Variants in TAF2 observed in about 807,000 individuals in gnomAD.
TAF2 encodes TATA-box binding protein associated factor 2.
A neutral mutation model predicts 138.5 loss-of-function variants in TAF2; 61 were observed. That is an observed-to-expected ratio of 0.44 (90% CI 0.36 to 0.54). The LOEUF is 0.54. Among genes scored for constraint, TAF2 ranks in the 20% least tolerant of loss-of-function variants. The pLI, the probability that TAF2 is intolerant of heterozygous loss-of-function variation, is 0.00. For missense variants in TAF2, 1,090 were observed against 1,427.9 expected, an observed-to-expected ratio of 0.76 and a Z score of 3.81; for synonymous variants, 475 against 469.9, an observed-to-expected ratio of 1.01 and a Z score of -0.14.
intron 16 of TAF2, among the ~76,000 whole-genome samples, chr8:119,782,890 C>T (rs553136580): frequency 6.6e-6 from 1 of 152,176 alleles, no homozygotes; most frequent in Admixed American, 6.5e-5. Context: ...TGCCTGTAAT[C>T]CCAGCTGTGT....
intron 5 of TAF2, among the ~76,000 whole-genome samples, 186 bp downstream of exon 5, chr8:119,803,692 A>G (rs938664617): frequency 1.4e-5 from 1 of 73,922 alleles, no homozygotes; most frequent in African/African-American, 9.0e-5. Flanking sequence ...AGACTGTCTG[A>G]AAAAAAAAAA....
chr8:119,735,601 T>C (rs1819172737), intron 25 of TAF2, among the ~76,000 whole-genome samples: 1 of 152,198 alleles, frequency 6.6e-6, no homozygotes, highest in African/African-American at 2.4e-5. Context: ...TTCATAAACT[T>C]TGTAATAAAG....
In TAF2 at chr8:119,804,093, T is replaced by C. The variant is rs988473124; in HGVS notation, c.419-74A>G. The C allele has an allele frequency of 2.6e-6, 4 of 1,527,876 alleles. No individual in the cohort carries two copies. In the African/African-American group the frequency reaches 5.5e-5, roughly 21 times the overall value. 94.6% of individuals were successfully genotyped at this position (1,527,876 alleles called of 1,614,324 possible). A position where few individuals can be genotyped will look rare whatever the true frequency, so the allele number is the denominator to read the frequency against. ...CTATATAATAAAGACAAAGATTTAA[T>C]GCTGAACATGAAATGGAATTGAGGA... On this transcript the variant is annotated intron_variant, in intron 4 of 25. Coordinates refer to ENST00000378164, the MANE Select transcript of TAF2 (RefSeq NM_003184.4).
chr8:119,811,573 G>A (rs915596171), intron 3 of TAF2, among the ~76,000 whole-genome samples: 3 of 151,960 alleles, frequency 2.0e-5, no homozygotes, highest in South Asian at 4.1e-4. Flanking sequence ...TTGGGAGGCC[G>A]AGGCGGGCAG....
chr8:119,781,164 T>C lies in TAF2; in HGVS notation c.2142A>G (p.Thr714=). 1.2e-6 allele frequency: 2 copies of C among 1,614,164 alleles called. No homozygotes were observed. Among genetic ancestry groups the C allele is most frequent in the South Asian group, 1.1e-5 (1 of 91,078 alleles). The change falls in exon 17 of 26, where the codon ACA becomes ACG. Residue 714 remains threonine (T), a synonymous_variant. Coordinates refer to ENST00000378164, the MANE Select transcript of TAF2 (RefSeq NM_003184.4). ...AGAGTGACTTCATGGCTGGTGGTCC[T>C]GTCCATGTGCTCACCATTGAATTTG... The part of the protein sequence containing the change: ...KIANSMVSTW[T]GPPAMKSLFT...
chr8:119,771,405 T>C (rs938150667), intron 18 of TAF2, among the ~76,000 whole-genome samples: 5 of 151,962 alleles, frequency 3.3e-5, no homozygotes, highest in African/African-American at 4.8e-5. Context: ...CTGGCTAATT[T>C]TTGTATTTTC....
At chr8:119,746,109 C>T (rs1051103611) in intron 23 of TAF2, among the ~76,000 whole-genome samples, 3 of 152,030 alleles carry the variant, frequency 2.0e-5, no homozygotes, top group Non-Finnish European at 2.9e-5. Flanking sequence ...TGGTGGCTCA[C>T]GCCTGTAATC....
chr8:119,762,497 C>G lies in TAF2; in HGVS notation c.2476G>C (p.Val826Leu). ...VRTLDNLNPD[V>L]RLILEEITRF... ...GTGATTTCTTCAAGAATGAGTCGCA[C>G]ATCAGGATTTAAGTTATCCAAAGTT... The change falls in exon 19 of 26, where the codon GTG (valine) becomes CTG (leucine). Residue 826 changes from valine to leucine, a missense_variant. Transcript: ENST00000378164. 1 of 1,613,968 alleles carries G rather than the reference C, an allele frequency of 6.2e-7. No individual in the cohort carries two copies. The highest frequency in any genetic ancestry group is 8.5e-7 in the Non-Finnish European group (1 of 1,179,932).
intron 3 of TAF2, among the ~76,000 whole-genome samples, chr8:119,809,175 T>C (rs900457417): frequency 1.3e-5 from 2 of 152,234 alleles, no homozygotes; most frequent in African/African-American, 4.8e-5. Context: ...TCTGGATAAC[T>C]TGCTGCAGCT....
chr8:119,792,030 A>G (rs1428033851), intron 10 of TAF2, among the ~76,000 whole-genome samples: 1 of 152,228 alleles, frequency 6.6e-6, no homozygotes, highest in East Asian at 1.9e-4. Flanking sequence ...TTTACGACAT[A>G]CATGAACATT....
chr8:119,744,314 T>C lies in TAF2; in HGVS notation c.3188A>G (p.Asn1063Ser). Residue 1063 changes from asparagine (N) to serine (S), a missense_variant, in exon 24 of 26, where the codon AAC (asparagine) becomes AGC (serine). Physicochemically the swap from Asn to Ser is conservative, Grantham distance 46. This residue lies in a region of TAF2 where 580 missense variants were observed against 719.6 expected (regional missense o/e 0.81). Coordinates refer to ENST00000378164, the MANE Select transcript of TAF2 (RefSeq NM_003184.4). ...DSQAFISHHL[N>S]MLERPSTPGL... ...TGGAGTTGACGGCCTTTCAAGCATG[T>C]TTAAATGATGGGAAATGAAGGCCTG... 6.2e-7 allele frequency: 1 copy of C among 1,613,860 alleles called. No individual in the cohort carries two copies. The highest frequency in any genetic ancestry group is 8.5e-7 in the Non-Finnish European group (1 of 1,179,894).
chr8:119,811,824 A>AT lies in TAF2; in HGVS notation c.300-5424_300-5423insA, dbSNP rs796069677. 9.9e-5 allele frequency among the ~76,000 whole-genome samples: 15 copies of AT among 151,766 alleles called. No homozygotes were observed. In the East Asian group the frequency reaches 2.3e-3, roughly 23 times the overall value. On this transcript the variant is annotated intron_variant, in intron 3 of 25. Transcript: ENST00000378164. ...CCGTCTCAAAAAAAAAAAAAAAAAA[A>AT]AAAATAACCAAAACAAAATTTAACC...
Position 119,783,371 on chromosome 8 carries a change from A to G in TAF2, c.2112+10T>C. On this transcript the variant is annotated intron_variant, in intron 16 of 25. Transcript: ENST00000378164. ...AATAGTCATTTCCTTTATGCTGTAT[A>G]TAATCTCACCTTTGCAAGACAGAAG... 1 of 1,613,968 alleles carries G rather than the reference A, an allele frequency of 6.2e-7. No homozygotes were observed. Among genetic ancestry groups the G allele is most frequent in the Non-Finnish European group, 8.5e-7 (1 of 1,179,950 alleles).
intron 3 of TAF2, among the ~76,000 whole-genome samples, chr8:119,807,224 C>T (rs1452822455): frequency 6.6e-6 from 1 of 152,176 alleles, no homozygotes; most frequent in Non-Finnish European, 1.5e-5. Context: ...TTTCAGCAGG[C>T]TCACCGTTAT....
chr8:119,763,817 G>A (rs1033831658), intron 18 of TAF2, among the ~76,000 whole-genome samples: 1 of 151,520 alleles, frequency 6.6e-6, no homozygotes, highest in Non-Finnish European at 1.5e-5. Context: ...TTGCACCACC[G>A]TACTCCAGCC....
chr8:119,811,468 TA>T (rs1400866456), intron 3 of TAF2, among the ~76,000 whole-genome samples: 1 of 151,974 alleles, frequency 6.6e-6, no homozygotes, highest in Non-Finnish European at 1.5e-5. Flanking sequence ...ACTGAAAAAT[TA>T]AAGTAATAAG....
intron 17 of TAF2, among the ~76,000 whole-genome samples, chr8:119,778,519 A>G (rs1003779315): frequency 4.6e-5 from 7 of 152,210 alleles, no homozygotes; most frequent in Admixed American, 2.6e-4. Context: ...CATTAGATGG[A>G]CCATTATTCA....
chr8:119,745,405 T>G (rs1819890157), intron 23 of TAF2, among the ~76,000 whole-genome samples: 1 of 150,156 alleles, frequency 6.7e-6, no homozygotes, highest in African/African-American at 2.5e-5. Context: ...CTCTTTTTTT[T>G]CTATGTAAAT....
intron 11 of TAF2, among the ~76,000 whole-genome samples, chr8:119,790,802 G>GT (rs11442915): frequency 0.1 from 15,153 of 149,126 alleles, 1,133 homozygotes; most frequent in African/African-American, 0.22. Context: ...CACAATTCTA[G>GT]TTTTTTTTTC....
Sources: gnomAD v4.1 joint callset for allele counts (sites outside exome capture counted in the v4.1 genomes callset) on GRCh38, gnomAD v4.1.1 for gene constraint, gnomAD v4.1.1 regional missense constraint, MANE v1.5 for transcripts, NCBI Gene and HGNC (gene_info 2026-07-23, HGNC 2026-07-21) for gene names.